The following LAMP1 variants were observed in gnomAD, a reference collection of about 807,000 sequenced individuals.
LAMP1 encodes lysosome-associated membrane glycoprotein 1.
In LAMP1, 7 loss-of-function variants were observed where a neutral mutation model predicts 37.5. That is an observed-to-expected ratio of 0.19 (90% CI 0.11 to 0.35). The LOEUF (loss-of-function observed/expected upper bound fraction) is 0.35. LAMP1 is among the 10% of genes least tolerant of loss of function. The pLI is 1.00. For synonymous variants in LAMP1, 236 were observed against 229.1 expected, an observed-to-expected ratio of 1.03 and a Z score of -0.27; for missense variants, 537 against 552.8, an observed-to-expected ratio of 0.97 and a Z score of 0.29.
intron 4 of LAMP1, among the ~76,000 whole-genome samples, chr13:113,316,504 G>A (rs989379182): frequency 6.7e-6 from 1 of 150,148 alleles, no homozygotes; most frequent in African/African-American, 2.5e-5. Context: ...CTCACTGCAA[G>A]CTCCGCCTCC....
intron 4 of LAMP1, 141 bp from the exon 5 acceptor site, chr13:113,319,328 G>A: frequency 1.3e-6 from 1 of 749,506 alleles, no homozygotes; most frequent in Non-Finnish European, 2.1e-6. Context: ...ATTAGCGAGA[G>A]CCACCTTGGG....
intron 4 of LAMP1, 78 bp downstream of exon 4, chr13:113,310,945 T>A (rs1283240551): frequency 2.4e-6 from 3 of 1,234,396 alleles, no homozygotes; most frequent in Non-Finnish European, 3.5e-6. Context: ...ACCTCACTGC[T>A]CTGTGTCCTG....
chr13:113,316,312 C>T (rs2042663646), intron 4 of LAMP1, among the ~76,000 whole-genome samples: 1 of 152,098 alleles, frequency 6.6e-6, no homozygotes, highest in Non-Finnish European at 1.5e-5. Flanking sequence ...CTTTTATCCT[C>T]AGGGTCTGAT....
At chr13:113,314,781 C>T (rs1418557354) in intron 4 of LAMP1, among the ~76,000 whole-genome samples, 4 of 51,340 alleles carry the variant, frequency 7.8e-5, no homozygotes, top group African/African-American at 2.9e-4. Context: ...TGTCGGTGTG[C>T]CTGGGGCGTG....
In LAMP1 at chr13:113,301,642, AAAATATATATAT is replaced by A. The variant is rs1232990242; in HGVS notation, c.61+4149_61+4160del. ...TGTTTCCATTTAAAAAAAAAAAAAA[AAAATATATATAT>A]ATATATATATATATATATATATATA... On this transcript the variant is annotated intron_variant, in intron 1 of 8. Coordinates refer to ENST00000332556, the MANE Select transcript of LAMP1 (RefSeq NM_005561.4). Among the ~76,000 whole-genome samples the A allele has an allele frequency of 1.9e-4, 7 of 37,514 alleles. 1 individual carries two copies. Among genetic ancestry groups the A allele is most frequent in the African/African-American group, 1.2e-3 (7 of 6,000 alleles). 24.6% of individuals were successfully genotyped at this position (37,514 alleles called of 152,430 possible). A position where few individuals can be genotyped will look rare whatever the true frequency, so the allele number is the denominator to read the frequency against.
intron 4 of LAMP1, among the ~76,000 whole-genome samples, chr13:113,315,259 G>A (rs973810434): frequency 1.4e-4 from 21 of 150,366 alleles, no homozygotes; most frequent in Non-Finnish European, 2.4e-4. Context: ...ATGCCAGTGT[G>A]CCTGGGGCGG....
rs535273936 is a variant in LAMP1 at position 113,320,944 on chromosome 13, C to T, written c.877-460C>T. On this transcript the variant is annotated intron_variant, in intron 6 of 8. Transcript: ENST00000332556. The surrounding 1 kb of genome is among the most constrained non-coding windows in gnomAD (Gnocchi z 4.4). ...GTGCTGTGATAGCTCCTGCAGTCCC[C>T]GTTTTCCAGAGACTGACTCTCAAGA... 182 of 216,192 alleles carry T rather than the reference C, an allele frequency of 8.4e-4. No individual in the cohort carries two copies. Among genetic ancestry groups the T allele is most frequent in the African/African-American group, 3.7e-3 (159 of 43,360 alleles). The allele number at this position is 216,192 out of a possible 1,614,324, so 13.4% of individuals were successfully genotyped here. A position where few individuals can be genotyped will look rare whatever the true frequency, so the allele number is the denominator to read the frequency against.
Position 113,313,911 on chromosome 13 carries a change from G to C in LAMP1, c.562+3044G>C, listed in dbSNP as rs186735439. Reference sequence around the variant, plus strand: ...TGGAGGGAACCAGCGTGGAGATGCCGGTGTGCCTGGGGCGTGGCCTCCTAG... The same window carrying C: ...TGGAGGGAACCAGCGTGGAGATGCCCGTGTGCCTGGGGCGTGGCCTCCTAG... On this transcript the variant is annotated intron_variant, in intron 4 of 8. Transcript: ENST00000332556. Among the ~76,000 whole-genome samples the C allele has an allele frequency of 2.3e-3, 179 of 77,138 alleles. 3 individuals carry two copies. The highest frequency in any genetic ancestry group is 0.014 in the African/African-American group (130 of 9,392). 50.6% of individuals were successfully genotyped at this position (77,138 alleles called of 152,430 possible).
At position 113,321,491 on chromosome 13, in the gene LAMP1, C is replaced by T. The variant is rs142119213; in HGVS notation, c.943+21C>T. The stretch of plus-strand genomic sequence containing the variant: ...CAGAGGTGAGAACCCACAATCTCTG[C>T]GAGCCCCGCCCCCGCCCGCGCGCCC... On this transcript the variant is annotated intron_variant, in intron 7 of 8. Coordinates refer to ENST00000332556, the MANE Select transcript of LAMP1 (RefSeq NM_005561.4). This position sits in a 1 kb window ranked among gnomAD's most constrained non-coding sequence, Gnocchi z 5.6. The T allele has an allele frequency of 3.1e-4, 493 of 1,613,626 alleles. 1 individual carries two copies. The African/African-American group carries it at 5.8e-3, about 19-fold the overall frequency.
At position 113,319,471 on chromosome 13, in the gene LAMP1, A is replaced by T. The variant is rs112228471; in HGVS notation, c.565A>T (p.Thr189Ser). 2,550 of 1,606,600 alleles carry T rather than the reference A, an allele frequency of 1.6e-3. 24 individuals carry two copies. The African/African-American group carries it at 0.03, about 19-fold the overall frequency. ...ATCTCCCTCCACTGCACCTGCAGAG[A>T]CACGCTGTGAACAAGACAGGCCTTC... The part of the protein sequence containing the change: ...LSNSSFSRGE[T>S]RCEQDRPSPT... Residue 189 changes from threonine (T) to serine (S), a missense_variant and splice_region_variant, in exon 5 of 9, where the codon ACA becomes TCA. Physicochemically the swap from Thr to Ser is moderately conservative, Grantham distance 58. Coordinates refer to ENST00000332556, the MANE Select transcript of LAMP1 (RefSeq NM_005561.4).
In LAMP1 at chr13:113,310,713, C is replaced by A; in HGVS notation, c.408C>A (p.Ile136=). The A allele has an allele frequency of 6.4e-7, 1 of 1,558,820 alleles. No individual in the cohort carries two copies. Among genetic ancestry groups the A allele is most frequent in the Non-Finnish European group, 8.7e-7 (1 of 1,154,286 alleles). The change falls in exon 4 of 9, where the codon ATC becomes ATA. Residue 136 remains isoleucine, a synonymous_variant. Coordinates refer to ENST00000332556, the MANE Select transcript of LAMP1 (RefSeq NM_005561.4). The part of the protein sequence containing the change: ...HLFPNASSKE[I]KTVESITDIR... ...TTTTTTTTTTTTTTAATCTAGAAAT[C>A]AAGACTGTGGAATCTATAACTGACA...
intron 4 of LAMP1, among the ~76,000 whole-genome samples, chr13:113,318,031 G>A (rs145325942): frequency 2.6e-5 from 4 of 152,334 alleles, no homozygotes; most frequent in African/African-American, 4.8e-5. Context: ...CTGCAGCTTC[G>A]CCAAGGGCAG....
intron 8 of LAMP1, 76 bp from the exon 9 acceptor site, chr13:113,322,206 G>A (rs1652353570): frequency 6.1e-6 from 9 of 1,480,002 alleles, no homozygotes; most frequent in African/African-American, 1.4e-5. Flanking sequence ...CTGATGTGGG[G>A]GAGTGGTGGG....
chr13:113,308,710 T>A (rs1474240865), intron 2 of LAMP1, among the ~76,000 whole-genome samples: 1 of 152,186 alleles, frequency 6.6e-6, no homozygotes. Flanking sequence ...TATTATAAAT[T>A]ATGTTTCACA....
intron 2 of LAMP1, among the ~76,000 whole-genome samples, chr13:113,307,796 T>TAAAA (rs56233302): frequency 4.2e-5 from 6 of 141,642 alleles, no homozygotes; most frequent in African/African-American, 1.0e-4. Context: ...ATCTCTTTTT[T>TAAAA]AAAAAAAAAA....
intron 8 of LAMP1, 91 bp from the exon 9 acceptor site, chr13:113,322,191 T>G: frequency 2.1e-6 from 3 of 1,416,940 alleles, no homozygotes; most frequent in Non-Finnish European, 2.9e-6. Context: ...CTCTTTGCCT[T>G]TTGGCTGATG....
intron 2 of LAMP1, among the ~76,000 whole-genome samples, chr13:113,306,870 C>T (rs908493024): frequency 1.8e-4 from 17 of 91,984 alleles, no homozygotes; most frequent in African/African-American, 6.1e-4. Flanking sequence ...GACGGAGTCT[C>T]GCTCTGTCAC....
chr13:113,299,775 G>A (rs2042561156), intron 1 of LAMP1, among the ~76,000 whole-genome samples: 1 of 150,894 alleles, frequency 6.6e-6, no homozygotes, highest in Non-Finnish European at 1.5e-5. Flanking sequence ...CACCATGCTG[G>A]CCAGGCTGGT....
At position 113,309,753 on chromosome 13, in the gene LAMP1, T is replaced by C. The variant is rs530562458; in HGVS notation, c.294T>C (p.His98=). The stretch of plus-strand genomic sequence containing the variant: ...TCGTGATTGCTTTTGGAAGAGGACA[T>C]ACACTCACTCTCAATTTCACGAGAA... ...PSLVIAFGRG[H]TLTLNFTRNA... The change falls in exon 3 of 9, where the codon CAT becomes CAC. Residue 98 remains histidine (H), a synonymous_variant. Coordinates refer to ENST00000332556, the MANE Select transcript of LAMP1 (RefSeq NM_005561.4). The C allele has an allele frequency of 1.2e-6, 2 of 1,614,146 alleles. No individual in the cohort carries two copies. Among genetic ancestry groups the C allele is most frequent in the East Asian group, 2.2e-5 (1 of 44,874 alleles).
Sources: gnomAD v4.1 joint callset for allele counts (sites outside exome capture counted in the v4.1 genomes callset) on GRCh38, gnomAD v4.1.1 for gene constraint, Gnocchi (gnomAD v3.1) non-coding constraint, MANE v1.5 for transcripts, NCBI Gene and HGNC (gene_info 2026-07-23, HGNC 2026-07-21) for gene names.